JPH2: variants seen among roughly 807,000 people sequenced by gnomAD.
The protein encoded by JPH2 is junctophilin-2.
In JPH2, 38 loss-of-function variants were observed where a neutral mutation model predicts 55.9. That is an observed-to-expected ratio of 0.68 (90% confidence interval 0.52 to 0.89). The LOEUF (loss-of-function observed/expected upper bound fraction) is 0.89, where lower values mean the gene tolerates loss of function less well. Ranked by LOEUF, JPH2 falls within the 40% of genes least tolerant of loss-of-function variation. The pLI, the probability that JPH2 is intolerant of heterozygous loss-of-function variation, is 0.00. For missense variants in JPH2, 964 were observed against 1,037.6 expected (o/e 0.93, Z 0.97); for synonymous variants, 480 against 472.4 (o/e 1.02, Z -0.21).
rs1430891241 is a variant in JPH2, at chr20:44,162,785, T to TACACAC, written c.380-2379_380-2378insGTGTGT. ...ATATATATATATATATATATATATA[T>TACACAC]ATACACACACACACACACACACACA... On this transcript the variant is annotated intron_variant, in intron 1 of 5. Coordinates refer to ENST00000372980, the MANE Select transcript of JPH2 (RefSeq NM_020433.5). 8.0e-4 allele frequency among the ~76,000 whole-genome samples: 40 copies of TACACAC among 49,990 alleles called. 1 individual carries two copies. The highest frequency in any genetic ancestry group is 3.5e-3 in the African/African-American group (36 of 10,160). The allele number at this position is 49,990 out of a possible 152,430, so 32.8% of individuals were successfully genotyped here.
intron 2 of JPH2, among the ~76,000 whole-genome samples, chr20:44,153,291 A>G (rs1199906444): frequency 6.6e-6 from 1 of 152,198 alleles, no homozygotes; most frequent in Non-Finnish European, 1.5e-5. Context: ...CATTACTTTC[A>G]GGGAGGAGGT....
intron 2 of JPH2, among the ~76,000 whole-genome samples, chr20:44,141,348 T>C (rs2072455145): frequency 6.6e-6 from 1 of 152,192 alleles, no homozygotes; most frequent in African/African-American, 2.4e-5. Context: ...GCAGTGGCTA[T>C]TTCTGAGTGT....
At chr20:44,114,973 A>G in intron 4 of JPH2, 97 bp from the exon 5 acceptor site, 1 of 906,038 alleles carries the variant, frequency 1.1e-6, no homozygotes, top group Non-Finnish European at 1.8e-6. Context: ...GAACTTCTGG[A>G]TGGACCTTCC....
chr20:44,127,588 T>C (rs192987253), intron 2 of JPH2, among the ~76,000 whole-genome samples: 346 of 151,390 alleles, frequency 2.3e-3, no homozygotes, highest in African/African-American at 8.0e-3. Flanking sequence ...CGGGTACAAG[T>C]GATTCTCCTG....
At chr20:44,137,497 A>T (rs1435746760) in intron 2 of JPH2, among the ~76,000 whole-genome samples, 2 of 152,126 alleles carry the variant, frequency 1.3e-5, no homozygotes, top group Non-Finnish European at 2.9e-5. Context: ...ACCCCACCCC[A>T]GGCTGCTCTA....
At chr20:44,132,921 T>C (rs140616830) in intron 2 of JPH2, among the ~76,000 whole-genome samples, 55 of 1,600 alleles carry the variant, frequency 0.034, 5 homozygotes, top group East Asian at 0.14. Flanking sequence ...ACCGCCCCCT[T>C]CCACGCCTGC....
chr20:44,184,942 C>T (rs902343247), intron 1 of JPH2, among the ~76,000 whole-genome samples: 4 of 152,104 alleles, frequency 2.6e-5, no homozygotes, highest in African/African-American at 9.7e-5. Context: ...CTTTGTTTTT[C>T]GATTTTTCGT....
chr20:44,129,300 A>C (rs913773019), intron 2 of JPH2, among the ~76,000 whole-genome samples: 1 of 152,178 alleles, frequency 6.6e-6, no homozygotes, highest in Non-Finnish European at 1.5e-5. Flanking sequence ...CACACCTATA[A>C]TCCCAGCACT....
At chr20:44,123,642 T>C (rs2072255105) in intron 2 of JPH2, among the ~76,000 whole-genome samples, 1 of 152,232 alleles carries the variant, frequency 6.6e-6, no homozygotes, top group African/African-American at 2.4e-5. Context: ...CTATTGCTTC[T>C]AGGCCAGTGC....
In JPH2 at chr20:44,125,694, A is replaced by G. The variant is rs150408218; in HGVS notation, c.1170-7071T>C. Among the ~76,000 whole-genome samples the G allele has an allele frequency of 3.3e-3, 510 of 152,332 alleles. 1 individual carries two copies. Among genetic ancestry groups the G allele is most frequent in the Middle Eastern group, 0.017 (5 of 294 alleles). The stretch of plus-strand genomic sequence containing the variant: ...TGAGCAGGGGCTCAGAGCAAAGTCT[A>G]TAAACCACATGGTGGAGTGGCAAAG... On this transcript the variant is annotated intron_variant, in intron 2 of 5. Transcript: ENST00000372980.
intron 1 of JPH2, among the ~76,000 whole-genome samples, chr20:44,173,306 C>T (rs1262808664): frequency 1.3e-5 from 2 of 152,078 alleles, no homozygotes; most frequent in African/African-American, 2.4e-5. Flanking sequence ...TACATTCTGA[C>T]GATTCTACCC....
chr20:44,130,038 C>T (rs1283213252), intron 2 of JPH2, among the ~76,000 whole-genome samples: 1 of 150,546 alleles, frequency 6.6e-6, no homozygotes, highest in Non-Finnish European at 1.5e-5. Flanking sequence ...TTTAAGCCAC[C>T]GAGTTTGTAG....
chr20:44,111,891 G>C lies in JPH2; in HGVS notation c.*1627C>G, dbSNP rs1034441751. 6.6e-6 allele frequency: 1 copy of C among 152,622 alleles called. No individual in the cohort carries two copies. Among genetic ancestry groups the C allele is most frequent in the East Asian group, 1.9e-4 (1 of 5,206 alleles). 9.5% of individuals were successfully genotyped at this position (152,622 alleles called of 1,614,324 possible). Reference sequence around the variant, plus strand: ...AGACGGAGCCCGTCAGCACAGAGCAGTGGCCCCGCCCCATTCCCCTCATGC... The same window carrying C: ...AGACGGAGCCCGTCAGCACAGAGCACTGGCCCCGCCCCATTCCCCTCATGC... On this transcript the variant is annotated 3_prime_UTR_variant, in exon 6 of 6. Coordinates refer to ENST00000372980, the MANE Select transcript of JPH2 (RefSeq NM_020433.5).
intron 2 of JPH2, among the ~76,000 whole-genome samples, chr20:44,150,582 A>G (rs1030201334): frequency 6.6e-6 from 1 of 152,252 alleles, no homozygotes; most frequent in African/African-American, 2.4e-5. Context: ...GATAATCTTG[A>G]AAAAGAAGAA....
In JPH2 at chr20:44,156,368, T is replaced by A. The variant is rs143525359; in HGVS notation, c.1169+3250A>T. ...CTAAAATTATTCCCACCTAAAAGTT[T>A]TATTTTTAAAAAGTGCTCCCTTTTA... On this transcript the variant is annotated intron_variant, in intron 2 of 5. Transcript: ENST00000372980. Among the ~76,000 whole-genome samples, 3 of 152,352 alleles carry A rather than the reference T, an allele frequency of 2.0e-5. No homozygotes were observed. The East Asian group carries it at 5.8e-4, about 29-fold the overall frequency.
At chr20:44,118,079 G>A (rs1231893475) in intron 3 of JPH2, among the ~76,000 whole-genome samples, 1 of 152,132 alleles carries the variant, frequency 6.6e-6, no homozygotes, top group East Asian at 1.9e-4. Context: ...GTGACTCTCT[G>A]CTCCCCTAGA....
intron 1 of JPH2, among the ~76,000 whole-genome samples, chr20:44,174,045 G>T (rs1341947341): frequency 6.6e-6 from 1 of 152,206 alleles, no homozygotes; most frequent in Non-Finnish European, 1.5e-5. Context: ...TGGGTCATGA[G>T]GCTGAGTAGC....
chr20:44,167,393 G>C lies in JPH2; in HGVS notation c.380-6986C>G, dbSNP rs528270166. On this transcript the variant is annotated intron_variant, in intron 1 of 5. Transcript: ENST00000372980. ...CCGATGAATTTTCAAGTCTTTTCCTGAATGACACTCTTATGTCCTTTGAGA... is the reference window on the plus strand; with the variant it reads ...CCGATGAATTTTCAAGTCTTTTCCTCAATGACACTCTTATGTCCTTTGAGA... Among the ~76,000 whole-genome samples, 5 of 152,258 alleles carry C rather than the reference G, an allele frequency of 3.3e-5. No homozygotes were observed. In the South Asian group the frequency reaches 1.0e-3, roughly 32 times the overall value.
chr20:44,163,525 G>A lies in JPH2; in HGVS notation c.380-3118C>T, dbSNP rs148102650. Among the ~76,000 whole-genome samples, 478 of 152,258 alleles carry A rather than the reference G, an allele frequency of 3.1e-3. 1 individual carries two copies. Among genetic ancestry groups the A allele is most frequent in the South Asian group, 7.5e-3 (36 of 4,826 alleles). ...ATGAAGAGCCCCCATTAAGGATCAA[G>A]AACCCCCATTAAGGATCATGTACAA... On this transcript the variant is annotated intron_variant, in intron 1 of 5. Transcript: ENST00000372980.
Sources: gnomAD v4.1 joint callset for allele counts (sites outside exome capture counted in the v4.1 genomes callset) on GRCh38, gnomAD v4.1.1 for gene constraint, MANE v1.5 for transcripts, NCBI Gene and HGNC (gene_info 2026-07-23, HGNC 2026-07-21) for gene names.